Variants in CASP6 observed in about 807,000 individuals in gnomAD.
CASP6 encodes caspase 6.
A neutral mutation model predicts 31.8 loss-of-function variants in CASP6; 20 were observed. The observed-to-expected ratio is 0.63, with a 90% confidence interval of 0.44 to 0.91. The LOEUF (loss-of-function observed/expected upper bound fraction) is 0.91, where lower values mean the gene tolerates loss of function less well. Ranked by LOEUF, CASP6 falls within the 40% of genes least tolerant of loss-of-function variation. The pLI, the probability that CASP6 is intolerant of heterozygous loss-of-function variation, is 0.00. For synonymous variants in CASP6, 130 were observed against 127.8 expected, an observed-to-expected ratio of 1.02 and a Z score of -0.12; for missense variants, 328 against 361.1, an observed-to-expected ratio of 0.91 and a Z score of 0.74.
chr4:109,664,592 T>A, the CASP6 span, among the ~76,000 whole-genome samples: 1 of 152,242 alleles, frequency 6.6e-6, no homozygotes, highest in Non-Finnish European at 1.5e-5. Context: ...GCCTGGCTAA[T>A]TTTTTAACAT....
chr4:109,704,982 GGT>G, upstream of CASP6, among the ~76,000 whole-genome samples: 1 of 152,194 alleles, frequency 6.6e-6, no homozygotes, highest in East Asian at 1.9e-4. Context: ...TGGGATTACA[GGT>G]GTGAGCCACC....
At chr4:109,688,615 A>T (rs1356990768), downstream of CASP6, 1 of 152,242 alleles carries the variant, frequency 6.6e-6, no homozygotes, top group Non-Finnish European at 1.5e-5. Context: ...AGTTAGAAAA[A>T]TGTAATAAAA....
At chr4:109,676,682 T>C in the CASP6 span, among the ~76,000 whole-genome samples, 2 of 152,362 alleles carry the variant, frequency 1.3e-5, no homozygotes, top group Admixed American at 1.3e-4. Context: ...TGTTTTCTGC[T>C]GCAATAGCAG....
At chr4:109,697,435 A>AT (rs1730280790) in intron 3 of CASP6, among the ~76,000 whole-genome samples, 187 bp downstream of exon 3, 1 of 151,330 alleles carries the variant, frequency 6.6e-6, no homozygotes, top group East Asian at 2.0e-4. Context: ...CAGCTAATTG[A>AT]TTTTTATTTT....
At chr4:109,692,180 C>T (rs1000648424) in intron 5 of CASP6, 4 of 152,170 alleles carry the variant, frequency 2.6e-5, no homozygotes, top group African/African-American at 9.7e-5. Flanking sequence ...AGATTTTAAT[C>T]TTCGTATCAG....
Position 109,690,897 on chromosome 4 carries a change from G to C in CASP6, c.596C>G (p.Thr199Arg), listed in dbSNP as rs780123850. Reference protein sequence around the residue: ...ITEVDAASVYTLPAGADFLMC... With the variant: ...ITEVDAASVYRLPAGADFLMC... ...GAGGAAGTCAGCTCCAGCAGGCAGC[G>C]TGTAAACGGAGGCTGCATCCACCTC... The change falls in exon 6 of 7, where the codon ACG becomes AGG. Residue 199 changes from threonine (T) to arginine (R), a missense_variant. By Grantham distance (71) the Thr-to-Arg change is moderately conservative (BLOSUM62 -1). Transcript: ENST00000265164. 1.2e-6 allele frequency: 2 copies of C among 1,613,124 alleles called. No homozygotes were observed. Among genetic ancestry groups the C allele is most frequent in the South Asian group, 1.1e-5 (1 of 90,894 alleles).
chr4:109,682,678 A>G, the CASP6 span: 2 of 1,613,432 alleles, frequency 1.2e-6, no homozygotes, highest in African/African-American at 2.7e-5. Context: ...TCTCAGAAAA[A>G]GAGAGAGCAC....
upstream of CASP6, among the ~76,000 whole-genome samples, chr4:109,706,564 T>G (rs1394709658): frequency 1.3e-5 from 2 of 152,130 alleles, no homozygotes; most frequent in Non-Finnish European, 2.9e-5. Flanking sequence ...GACCCCAATT[T>G]TGAAAGAAGG....
In CASP6 at chr4:109,688,710, A is replaced by T. The variant is rs565791148; in HGVS notation, c.*620T>A. ...AAAACATCAAACAATAAACTTTTATAAAAAAGTGACAAAATACAAGTTAAA... is the reference window on the plus strand; with the variant it reads ...AAAACATCAAACAATAAACTTTTATTAAAAAGTGACAAAATACAAGTTAAA... On this transcript the variant is annotated 3_prime_UTR_variant, in exon 7 of 7. Coordinates refer to ENST00000265164, the MANE Select transcript of CASP6 (RefSeq NM_001226.4). 1 of 152,220 alleles carries T rather than the reference A, an allele frequency of 6.6e-6. No homozygotes were observed. The highest frequency in any genetic ancestry group is 2.4e-5 in the African/African-American group (1 of 41,450). 9.4% of individuals were successfully genotyped at this position (152,220 alleles called of 1,614,324 possible).
chr4:109,704,054 T>C (rs1730525222), upstream of CASP6, among the ~76,000 whole-genome samples: 2 of 152,064 alleles, frequency 1.3e-5, no homozygotes, highest in South Asian at 4.2e-4. Context: ...AATTAATCCA[T>C]AAGCCCTGTA....
chr4:109,702,991 G>A (rs1447167220), intron 1 of CASP6: 4 of 292,368 alleles, frequency 1.4e-5, no homozygotes, highest in Non-Finnish European at 2.5e-5. Context: ...GGCCAGGTGT[G>A]GGGGAACGCC....
Position 109,688,707 on chromosome 4 carries a change from T to C in CASP6, c.*623A>G, listed in dbSNP as rs1035392597. 1 of 152,204 alleles carries C rather than the reference T, an allele frequency of 6.6e-6. No individual in the cohort carries two copies. The highest frequency in any genetic ancestry group is 1.5e-5 in the Non-Finnish European group (1 of 68,038). The allele number at this position is 152,204 out of a possible 1,614,324, so 9.4% of individuals were successfully genotyped here. On this transcript the variant is annotated 3_prime_UTR_variant, in exon 7 of 7. Transcript: ENST00000265164. ...TTAAAAACATCAAACAATAAACTTT[T>C]ATAAAAAAGTGACAAAATACAAGTT...
At chr4:109,664,871 T>G in the CASP6 span, among the ~76,000 whole-genome samples, 270 of 152,244 alleles carry the variant, frequency 1.8e-3, 1 homozygote, top group African/African-American at 6.4e-3. Flanking sequence ...ACCGACATTA[T>G]TGGGTTAAGA....
chr4:109,668,808 T>G, the CASP6 span, among the ~76,000 whole-genome samples: 298 of 152,216 alleles, frequency 2.0e-3, no homozygotes, highest in African/African-American at 7.0e-3. Flanking sequence ...TTATTTATAC[T>G]TCTTTTTTTA....
At chr4:109,700,440 T>C (rs1310657774) in intron 1 of CASP6, among the ~76,000 whole-genome samples, 1 of 152,196 alleles carries the variant, frequency 6.6e-6, no homozygotes, top group Non-Finnish European at 1.5e-5. Flanking sequence ...GAGGATCTCT[T>C]GAGCCCAAGA....
upstream of CASP6, chr4:109,703,450 T>G: frequency 1.9e-6 from 3 of 1,588,876 alleles, no homozygotes; most frequent in Non-Finnish European, 2.6e-6. Flanking sequence ...AGCCACAGGC[T>G]CCCGGGCCCG....
rs777518317 is a variant in CASP6, at chr4:109,703,390, G to A, written c.6C>T (p.Ser2=). 1.7e-5 allele frequency: 27 copies of A among 1,611,866 alleles called. 1 individual carries two copies. The South Asian group carries it at 2.5e-4, about 15-fold the overall frequency. Residue 2 remains serine, a synonymous_variant, in exon 1 of 7, where the codon AGC becomes AGT. Transcript: ENST00000265164. M[S]SASGLRRGHP... is the part of the protein sequence containing the mutation. ...GCCCCCTGCGGAGCCCCGAGGCCGA[G>A]CTCATTGCAGCCAAACGCGCAGCCA...
At chr4:109,699,343 C>A (rs1159607667) in intron 1 of CASP6, among the ~76,000 whole-genome samples, 2 of 152,152 alleles carry the variant, frequency 1.3e-5, no homozygotes, top group Admixed American at 6.6e-5. Flanking sequence ...GTTGGTTCCC[C>A]TCTCCTTAGA....
chr4:109,668,645 C>A, the CASP6 span, among the ~76,000 whole-genome samples: 1 of 151,464 alleles, frequency 6.6e-6, no homozygotes, highest in Non-Finnish European at 1.5e-5. Flanking sequence ...AAATTGATTA[C>A]TGATATACAT....
Sources: allele counts gnomAD v4.1 joint callset (sites outside exome capture counted in the v4.1 genomes callset), GRCh38; gene constraint gnomAD v4.1.1; transcripts MANE v1.5; gene names NCBI Gene and HGNC (gene_info 2026-07-23, HGNC 2026-07-21).